Variants in KLHDC1 observed in about 807,000 individuals in gnomAD.
KLHDC1 encodes the protein kelch domain containing 1.
In KLHDC1, 53 loss-of-function variants were observed where a neutral mutation model predicts 68.3. The observed-to-expected ratio is 0.78, with a 90% CI of 0.62 to 0.98. The LOEUF is 0.98. KLHDC1 is among the 50% of genes least tolerant of loss of function. The pLI is 0.00. For missense variants in KLHDC1, 470 were observed against 492.3 expected (o/e 0.95, Z 0.43); for synonymous variants, 148 against 159.0 (o/e 0.93, Z 0.52).
At chr14:49,704,544 C>A (rs1887998358) in intron 1 of KLHDC1, among the ~76,000 whole-genome samples, 1 of 151,696 alleles carries the variant, frequency 6.6e-6, no homozygotes, top group Admixed American at 6.6e-5. Flanking sequence ...CAGGCACCCG[C>A]CACCATGCCC....
intron 1 of KLHDC1, among the ~76,000 whole-genome samples, chr14:49,698,581 T>C (rs996772586): frequency 4.0e-5 from 6 of 151,484 alleles, no homozygotes; most frequent in African/African-American, 1.5e-4. Flanking sequence ...AGTGGCACCA[T>C]CTCGGCTCAC....
At chr14:49,711,889 A>G (rs188757177) in intron 4 of KLHDC1, among the ~76,000 whole-genome samples, 57 of 97,668 alleles carry the variant, frequency 5.8e-4, no homozygotes, top group Non-Finnish European at 1.1e-3. Context: ...ATCGATTTAT[A>G]TGTCTTTCTT....
chr14:49,733,574 C>A (rs972007041), intron 9 of KLHDC1, among the ~76,000 whole-genome samples: 4 of 151,654 alleles, frequency 2.6e-5, no homozygotes, highest in African/African-American at 9.7e-5. Flanking sequence ...ATTACAGGTG[C>A]CCACCACCAC....
intron 4 of KLHDC1, among the ~76,000 whole-genome samples, chr14:49,720,468 T>C (rs1303525516): frequency 6.6e-6 from 1 of 152,136 alleles, no homozygotes. Flanking sequence ...GTGTTTTTGT[T>C]TCTCTGTATG....
At chr14:49,694,954 C>T (rs1424709980) in intron 1 of KLHDC1, among the ~76,000 whole-genome samples, 4 of 152,192 alleles carry the variant, frequency 2.6e-5, no homozygotes, top group African/African-American at 7.2e-5. Flanking sequence ...TCTTTTTGCT[C>T]ATGGAGGGTC....
At chr14:49,732,576 T>C (rs1005348493) in intron 8 of KLHDC1, 128 bp from the exon 9 acceptor site, 3 of 480,478 alleles carry the variant, frequency 6.2e-6, no homozygotes, top group Non-Finnish European at 1.1e-5. Flanking sequence ...CAAATATTCA[T>C]GTAGGTGGGA....
chr14:49,710,292 T>G lies in KLHDC1; in HGVS notation c.315T>G (p.Asp105Glu). The G allele has an allele frequency of 6.2e-7, 1 of 1,608,452 alleles. No individual in the cohort carries two copies. The highest frequency in any genetic ancestry group is 8.5e-7 in the Non-Finnish European group (1 of 1,175,076). The change falls in exon 4 of 13, where the codon GAT becomes GAG. Residue 105 changes from aspartate to glutamate, a missense_variant. By Grantham distance (45) the Asp-to-Glu change is conservative (BLOSUM62 2). Coordinates refer to ENST00000359332, the MANE Select transcript of KLHDC1 (RefSeq NM_172193.3). ...ATTTTGTTAATTTACGAACAAGAGA[T>G]GAAACCTACATTTGGGAGAAAATCA... is the stretch of plus-strand genomic sequence containing the variant. ...RLYFVNLRTR[D>E]ETYIWEKITD...
intron 10 of KLHDC1, among the ~76,000 whole-genome samples, chr14:49,737,883 AAAAC>A: frequency 6.6e-6 from 1 of 151,634 alleles, no homozygotes; most frequent in Admixed American, 6.6e-5. Context: ...AAAAAAAAAA[AAAAC>A]AAGGAATCAA....
At position 49,693,227 on chromosome 14, in the gene KLHDC1, G is replaced by C; in HGVS notation, c.33G>C (p.Glu11Asp). ...ACTCTCAGCTGTTCTGTGTGGCGGA[G>C]GAACGCAGCGGCCACTGCGCCGTGG... MADSQLFCVA[E>D]ERSGHCAVVD... is the part of the protein sequence containing the mutation. The change falls in exon 1 of 13, where the codon GAG becomes GAC. Residue 11 changes from glutamate to aspartate, a missense_variant. Transcript: ENST00000359332. 6.3e-7 allele frequency: 1 copy of C among 1,575,574 alleles called. No homozygotes were observed. Among genetic ancestry groups the C allele is most frequent in the Non-Finnish European group, 8.6e-7 (1 of 1,163,144 alleles).
Position 49,693,215 on chromosome 14 carries a change from C to T in KLHDC1, c.21C>T (p.Phe7=), listed in dbSNP as rs780303723. 3 of 1,580,982 alleles carry T rather than the reference C, an allele frequency of 1.9e-6. No homozygotes were observed. Among genetic ancestry groups the T allele is most frequent in the Non-Finnish European group, 2.6e-6 (3 of 1,165,352 alleles). The change falls in exon 1 of 13, where the codon TTC becomes TTT. Residue 7 remains phenylalanine, a synonymous_variant. Coordinates refer to ENST00000359332, the MANE Select transcript of KLHDC1 (RefSeq NM_172193.3). MADSQL[F]CVAEERSGHC... ...CGCGAATGGCGGACTCTCAGCTGTT[C>T]TGTGTGGCGGAGGAACGCAGCGGCC...
chr14:49,740,121 G>T lies in KLHDC1; in HGVS notation c.920G>T (p.Gly307Val). Residue 307 changes from glycine (G) to valine (V), a missense_variant, in exon 11 of 13, where the codon GGA becomes GTA. Transcript: ENST00000359332. ...RPRLWHTACL[G>V]KENEIMVFGG... ...AGGTTATGGCACACAGCCTGTTTGGGAAAAGAAAATGAAATAATGGTATTT... is the reference window on the plus strand; with the variant it reads ...AGGTTATGGCACACAGCCTGTTTGGTAAAAGAAAATGAAATAATGGTATTT... 2 of 1,611,354 alleles carry T rather than the reference G, an allele frequency of 1.2e-6. No homozygotes were observed. The highest frequency in any genetic ancestry group is 1.1e-5 in the South Asian group (1 of 90,830).
intron 4 of KLHDC1, among the ~76,000 whole-genome samples, chr14:49,715,669 T>C (rs1435106537): frequency 1.3e-4 from 18 of 140,872 alleles, no homozygotes; most frequent in African/African-American, 4.8e-4. Context: ...TGCTTGAACC[T>C]GGGAGGCGGA....
intron 1 of KLHDC1, among the ~76,000 whole-genome samples, chr14:49,700,952 A>G (rs571671266): frequency 3.7e-4 from 56 of 152,174 alleles, no homozygotes; most frequent in African/African-American, 1.3e-3. Flanking sequence ...GCGTGGTGGC[A>G]CATGCCTGTA....
intron 9 of KLHDC1, among the ~76,000 whole-genome samples, chr14:49,733,828 AC>A (rs1468018203): frequency 6.6e-6 from 1 of 152,206 alleles, no homozygotes; most frequent in East Asian, 1.9e-4. Flanking sequence ...GGGTCTGGAA[AC>A]AACTGTTTTT....
At chr14:49,708,580 C>T (rs1305893112) in intron 1 of KLHDC1, 1 of 152,154 alleles carries the variant, frequency 6.6e-6, no homozygotes. Context: ...AGAGATTATC[C>T]AAGTTCTGAG....
rs545081048 is a variant in KLHDC1, at chr14:49,752,422, A to G, written c.*650A>G. The G allele has an allele frequency of 6.6e-6, 1 of 152,640 alleles. No homozygotes were observed. The highest frequency in any genetic ancestry group is 1.9e-4 in the East Asian group (1 of 5,188). The allele number at this position is 152,640 out of a possible 1,614,324, so 9.5% of individuals were successfully genotyped here. A position where few individuals can be genotyped will look rare whatever the true frequency, so the allele number is the denominator to read the frequency against. On this transcript the variant is annotated 3_prime_UTR_variant, in exon 13 of 13. Coordinates refer to ENST00000359332, the MANE Select transcript of KLHDC1 (RefSeq NM_172193.3). ...TTACCCCTAAGTTATTAGTTTGTCT[A>G]GTTTATATATAAAGACCATGTTTTA...
intron 9 of KLHDC1, 73 bp downstream of exon 9, chr14:49,732,889 G>A (rs895068053): frequency 3.9e-6 from 3 of 765,160 alleles, no homozygotes; most frequent in Admixed American, 2.4e-5. Context: ...TACTTACAGT[G>A]AAGTAAATCT....
intron 1 of KLHDC1, among the ~76,000 whole-genome samples, chr14:49,703,453 C>T (rs1391139176): frequency 6.6e-6 from 1 of 152,012 alleles, no homozygotes; most frequent in Non-Finnish European, 1.5e-5. Flanking sequence ...AGTGATCCTC[C>T]TGCCTCAGCC....
intron 1 of KLHDC1, among the ~76,000 whole-genome samples, chr14:49,707,496 C>T (rs143468455): frequency 6.9e-4 from 104 of 150,622 alleles, no homozygotes; most frequent in Non-Finnish European, 1.2e-3. Context: ...TACAGTCATG[C>T]ACCACCACGC....
Sources: gnomAD v4.1 joint callset for allele counts (sites outside exome capture counted in the v4.1 genomes callset) on GRCh38, gnomAD v4.1.1 for gene constraint, MANE v1.5 for transcripts, NCBI Gene and HGNC (gene_info 2026-07-23, HGNC 2026-07-21) for gene names.